Variants in DDAH1 observed in about 807,000 individuals in gnomAD.
The protein encoded by DDAH1 is N(G),N(G)-dimethylarginine dimethylaminohydrolase 1.
DDAH1 carries 19 observed loss-of-function variants against 28.8 expected under a neutral mutation model. That is an observed-to-expected ratio of 0.66 (90% confidence interval 0.46 to 0.97). The LOEUF is 0.97. Among genes scored for constraint, DDAH1 ranks in the 50% least tolerant of loss-of-function variants. The probability of loss-of-function intolerance (pLI) is 0.00; values close to 1 mark genes in which losing one functional copy is unlikely to be tolerated. For synonymous variants in DDAH1, 153 were observed against 154.4 expected, an observed-to-expected ratio of 0.99 and a Z score of 0.07; for missense variants, 326 against 375.9, an observed-to-expected ratio of 0.87 and a Z score of 1.10.
intron 4 of DDAH1, among the ~76,000 whole-genome samples, chr1:85,348,728 C>CAGTT (rs1245246091): frequency 6.6e-6 from 1 of 152,216 alleles, no homozygotes; most frequent in Non-Finnish European, 1.5e-5. Context: ...CTTTGAAGAG[C>CAGTT]AGTTAGGGCC....
chr1:85,569,093 A>G (rs992874568), intron 1 of DDAH1, among the ~76,000 whole-genome samples: 1 of 152,332 alleles, frequency 6.6e-6, no homozygotes, highest in African/African-American at 2.4e-5. Context: ...TGTAAATAAC[A>G]CCTGATGCGA....
At chr1:85,441,796 ACAG>A (rs2100653880) in intron 1 of DDAH1, among the ~76,000 whole-genome samples, 1 of 152,362 alleles carries the variant, frequency 6.6e-6, no homozygotes, top group Admixed American at 6.5e-5. Context: ...TGTTTGCCAT[ACAG>A]CAGGATTCAG....
chr1:85,471,965 C>T (rs1655633726), intron 2 of DDAH1, among the ~76,000 whole-genome samples: 2 of 152,192 alleles, frequency 1.3e-5, no homozygotes, highest in South Asian at 4.1e-4. Flanking sequence ...GTTCTCTGAC[C>T]TTCTCCTGCC....
intron 1 of DDAH1, among the ~76,000 whole-genome samples, chr1:85,496,501 C>T (rs1194658316): frequency 1.3e-5 from 2 of 152,186 alleles, no homozygotes; most frequent in Non-Finnish European, 2.9e-5. Flanking sequence ...CCCTCAAGAC[C>T]TACAGAATGG....
chr1:85,393,061 A>G (rs1466425366), intron 1 of DDAH1, among the ~76,000 whole-genome samples: 1 of 152,202 alleles, frequency 6.6e-6, no homozygotes, highest in East Asian at 1.9e-4. Context: ...ATTTTGCTCT[A>G]TAACAATAAT....
intron 1 of DDAH1, among the ~76,000 whole-genome samples, chr1:85,572,272 T>C (rs1053286642): frequency 6.6e-6 from 1 of 152,082 alleles, no homozygotes; most frequent in Non-Finnish European, 1.5e-5. Context: ...GGGCCACAGT[T>C]ACTGAAAACA....
intron 1 of DDAH1, among the ~76,000 whole-genome samples, chr1:85,359,956 T>G (rs1486171256): frequency 6.6e-6 from 1 of 152,170 alleles, no homozygotes; most frequent in Non-Finnish European, 1.5e-5. Context: ...ATTTAAATAT[T>G]TTCAAAGGTC....
chr1:85,385,649 A>AT (rs1201374685), intron 1 of DDAH1, among the ~76,000 whole-genome samples: 1 of 152,162 alleles, frequency 6.6e-6, no homozygotes, highest in Admixed American at 6.6e-5. Flanking sequence ...ATTGGAACAA[A>AT]TGAGGCCTCA....
At chr1:85,536,983 A>ATG (rs1261071644) in intron 1 of DDAH1, among the ~76,000 whole-genome samples, 2 of 24,338 alleles carry the variant, frequency 8.2e-5, no homozygotes, top group Non-Finnish European at 1.8e-4. Flanking sequence ...ATATATATAT[A>ATG]TACGTATATA....
intron 2 of DDAH1, among the ~76,000 whole-genome samples, chr1:85,484,224 C>T (rs772667491): frequency 6.6e-6 from 1 of 151,804 alleles, no homozygotes; most frequent in Non-Finnish European, 1.5e-5. Flanking sequence ...TTTATTGATA[C>T]ATAGCTGGTT....
chr1:85,344,663 A>G (rs1466468342), intron 4 of DDAH1, among the ~76,000 whole-genome samples: 5 of 151,752 alleles, frequency 3.3e-5, no homozygotes, highest in Non-Finnish European at 7.4e-5. Flanking sequence ...AATGCTACCA[A>G]TGAGGTCAAG....
Position 85,526,245 on chromosome 1 carries a change from G to A in DDAH1, c.-122-29964C>T, listed in dbSNP as rs1240226388. ...GAAAGAGAGACGAGGAGAGAAAAAG[G>A]CTTATTCCTGAAGCTAATAGCTTTC... is the stretch of plus-strand genomic sequence containing the variant. On this transcript the variant is annotated intron_variant, in intron 1 of 6. Transcript: ENST00000426972. 3.3e-5 allele frequency among the ~76,000 whole-genome samples: 5 copies of A among 152,306 alleles called. No individual in the cohort carries two copies. The South Asian group carries it at 1.0e-3, about 32-fold the overall frequency.
chr1:85,356,172 C>T (rs915546521), intron 2 of DDAH1, among the ~76,000 whole-genome samples: 15 of 152,156 alleles, frequency 9.9e-5, no homozygotes, highest in Non-Finnish European at 1.6e-4. Flanking sequence ...TGTACATAAA[C>T]ATTTTATAAC....
intron 2 of DDAH1, chr1:85,488,319 G>A (rs1199337747): frequency 6.6e-6 from 1 of 152,354 alleles, no homozygotes; most frequent in South Asian, 2.1e-4. Flanking sequence ...TCCAAGATCA[G>A]GGCACCAGCA....
At chr1:85,420,965 T>G (rs963543187) in intron 1 of DDAH1, among the ~76,000 whole-genome samples, 1 of 152,140 alleles carries the variant, frequency 6.6e-6, no homozygotes, top group Non-Finnish European at 1.5e-5. Flanking sequence ...AGGGAGGCCT[T>G]GGGAAGCTTC....
chr1:85,558,648 T>C (rs146776088), intron 1 of DDAH1, among the ~76,000 whole-genome samples: 297 of 152,294 alleles, frequency 2.0e-3, no homozygotes, highest in African/African-American at 6.9e-3. Context: ...TACTCATTTA[T>C]CAGGTGCCTC....
chr1:85,348,856 A>T (rs1649023278), intron 4 of DDAH1, among the ~76,000 whole-genome samples: 1 of 152,202 alleles, frequency 6.6e-6, no homozygotes, highest in South Asian at 2.1e-4. Flanking sequence ...AAATGATTTG[A>T]GTTAGGGACC....
At chr1:85,488,872 A>G (rs527696481) in intron 2 of DDAH1, among the ~76,000 whole-genome samples, 186 of 152,352 alleles carry the variant, frequency 1.2e-3, no homozygotes, top group Non-Finnish European at 2.2e-3. Context: ...TTCAGTGTAT[A>G]TTCATTAGCA....
intron 2 of DDAH1, among the ~76,000 whole-genome samples, chr1:85,474,003 A>G (rs1429598765): frequency 6.6e-6 from 1 of 152,220 alleles, no homozygotes; most frequent in Non-Finnish European, 1.5e-5. Context: ...TTGACATCCC[A>G]AAGCACAGCT....
Sources: gnomAD v4.1 joint callset for allele counts (sites outside exome capture counted in the v4.1 genomes callset) on GRCh38, gnomAD v4.1.1 for gene constraint, MANE v1.5 for transcripts, NCBI Gene and HGNC (gene_info 2026-07-23, HGNC 2026-07-21) for gene names.